Variants in ITGB4 observed in about 807,000 individuals in gnomAD.
ITGB4 encodes integrin beta-4.
Under a neutral mutation model 207.6 loss-of-function variants are expected in ITGB4, and 159 were observed. The ratio of observed to expected loss-of-function variants is 0.77; its 90% CI spans 0.67 to 0.87. The LOEUF (loss-of-function observed/expected upper bound fraction) is 0.87, where lower values mean the gene tolerates loss of function less well. Among genes scored for constraint, ITGB4 ranks in the 40% least tolerant of loss-of-function variants. ITGB4 has a pLI of 0.00. For synonymous variants in ITGB4, 1,020 were observed against 1,062.7 expected, an observed-to-expected ratio of 0.96 and a Z score of 0.78; for missense variants, 2,278 against 2,546.8, an observed-to-expected ratio of 0.89 and a Z score of 2.27.
At position 75,742,781 on chromosome 17, in the gene ITGB4, G is replaced by T. The variant is rs2061144153; in HGVS notation, c.2962+20G>T. The T allele has an allele frequency of 1.9e-6, 3 of 1,600,358 alleles. No homozygotes were observed. Among genetic ancestry groups the T allele is most frequent in the African/African-American group, 1.3e-5 (1 of 74,890 alleles). ...AGCAAGGTGGGTCTGGGTGGGGAGA[G>T]TGGGGAAGGCAGACGGGGGCTCGGG... On this transcript the variant is annotated intron_variant, in intron 25 of 39. Coordinates refer to ENST00000200181, the MANE Select transcript of ITGB4 (RefSeq NM_000213.5). The surrounding 1 kb of genome is among the most constrained non-coding windows in gnomAD (Gnocchi z 5.9).
At position 75,740,232 on chromosome 17, in the gene ITGB4, G is replaced by T; in HGVS notation, c.2447-126G>T. The T allele has an allele frequency of 8.3e-7, 1 of 1,211,742 alleles. No individual in the cohort carries two copies. Among genetic ancestry groups the T allele is most frequent in the South Asian group, 1.3e-5 (1 of 77,168 alleles). 75.1% of individuals were successfully genotyped at this position (1,211,742 alleles called of 1,614,324 possible). A position where few individuals can be genotyped will look rare whatever the true frequency, so the allele number is the denominator to read the frequency against. ...ATGGTGCTATGAACCTCATGCCTCG[G>T]TGTGCGTGGCCTGCTGGCCAGGCAT... On this transcript the variant is annotated intron_variant, in intron 20 of 39. Transcript: ENST00000200181. This position sits in a 1 kb window ranked among gnomAD's most constrained non-coding sequence, Gnocchi z 5.9.
At position 75,721,466 on chromosome 17, in the gene ITGB4, C is replaced by T. The variant is rs1393774988; in HGVS notation, c.-157C>T. On this transcript the variant is annotated 5_prime_UTR_variant, in exon 1 of 40. Transcript: ENST00000200181. Reference sequence around the variant, plus strand: ...GCCCGCCTCGTCCCCACCCCCCCAACCCCCGCGCCCGCCCTCGGACAGTCC... The same window carrying T: ...GCCCGCCTCGTCCCCACCCCCCCAATCCCCGCGCCCGCCCTCGGACAGTCC... The T allele has an allele frequency of 7.0e-6, 1 of 142,332 alleles. No homozygotes were observed. Among genetic ancestry groups the T allele is most frequent in the South Asian group, 2.2e-4 (1 of 4,564 alleles). 8.8% of individuals were successfully genotyped at this position (142,332 alleles called of 1,614,324 possible).
chr17:75,754,981 GACATGCATGCGCACACGTACAC>G (rs2061459993), intron 34 of ITGB4, 166 bp downstream of exon 34: 2 of 1,529,032 alleles, frequency 1.3e-6, no homozygotes, highest in Admixed American at 1.8e-5. Context: ...CATGTACACA[GACATGCATGCGCACACGTACAC>G]ACATGCATGC....
Position 75,749,987 on chromosome 17 carries a change from C to T in ITGB4, c.3317-124C>T, listed in dbSNP as rs2061329444. The T allele has an allele frequency of 3.7e-5, 44 of 1,204,050 alleles. No individual in the cohort carries two copies. In the South Asian group the frequency reaches 5.2e-4, roughly 14 times the overall value. 74.6% of individuals were successfully genotyped at this position (1,204,050 alleles called of 1,614,324 possible). Reference sequence around the variant, plus strand: ...GGGCACCACCAGGTCTCCAGAGACGCGGGTGGGCAGGTCTGAGTTGAATGC... The same window carrying T: ...GGGCACCACCAGGTCTCCAGAGACGTGGGTGGGCAGGTCTGAGTTGAATGC... On this transcript the variant is annotated intron_variant, in intron 27 of 39. Coordinates refer to ENST00000200181, the MANE Select transcript of ITGB4 (RefSeq NM_000213.5).
chr17:75,740,182 C>T lies in ITGB4; in HGVS notation c.2446+111C>T, dbSNP rs902479102. On this transcript the variant is annotated intron_variant, in intron 20 of 39. Transcript: ENST00000200181. This position sits in a 1 kb window ranked among gnomAD's most constrained non-coding sequence, Gnocchi z 5.9. ...CTGGGTGTGGGGTGCAGGCACAGGG[C>T]TCAGCCACCTTTTGCCCTGTGCTGA... 4 of 1,308,208 alleles carry T rather than the reference C, an allele frequency of 3.1e-6. No homozygotes were observed. The Middle Eastern group carries it at 7.8e-4, about 257-fold the overall frequency. The allele number at this position is 1,308,208 out of a possible 1,614,324, so 81.0% of individuals were successfully genotyped here. A position where few individuals can be genotyped will look rare whatever the true frequency, so the allele number is the denominator to read the frequency against.
At position 75,740,842 on chromosome 17, in the gene ITGB4, C is replaced by G. The variant is rs749252335; in HGVS notation, c.2600C>G (p.Thr867Ser). 1 of 1,613,764 alleles carries G rather than the reference C, an allele frequency of 6.2e-7. No individual in the cohort carries two copies. The highest frequency in any genetic ancestry group is 1.1e-5 in the South Asian group (1 of 91,062). ...TCCGGTGTACACAAGCTCCAGCAGACCAAGTTCCGGTGAGTCCCGGGGTGC... is the reference window on the plus strand; with the variant it reads ...TCCGGTGTACACAAGCTCCAGCAGAGCAAGTTCCGGTGAGTCCCGGGGTGC... ...QISGVHKLQQ[T>S]KFRQQPNAGK... The change falls in exon 22 of 40, where the codon ACC becomes AGC. Residue 867 changes from threonine (T) to serine (S), a missense_variant. By Grantham distance (58) the Thr-to-Ser change is moderately conservative (BLOSUM62 1). Transcript: ENST00000200181. This position sits in a 1 kb window ranked among gnomAD's most constrained non-coding sequence, Gnocchi z 5.9.
chr17:75,727,192 C>A lies in ITGB4; in HGVS notation c.80-3C>A. ...ATTCATGTGCCCACATCTGTCCCCCCAGCAAACCGCTGCAAGAAGGCCCCA... is the reference window on the plus strand; with the variant it reads ...ATTCATGTGCCCACATCTGTCCCCCAAGCAAACCGCTGCAAGAAGGCCCCA... On this transcript the variant is annotated splice_region_variant and splice_polypyrimidine_tract_variant and intron_variant, in intron 2 of 39. Coordinates refer to ENST00000200181, the MANE Select transcript of ITGB4 (RefSeq NM_000213.5). This position sits in a 1 kb window ranked among gnomAD's most constrained non-coding sequence, Gnocchi z 6.0. 1.2e-6 allele frequency: 2 copies of A among 1,613,736 alleles called. No individual in the cohort carries two copies. The highest frequency in any genetic ancestry group is 1.7e-6 in the Non-Finnish European group (2 of 1,179,860).
rs2060982743 is a variant in ITGB4, at chr17:75,736,611, A to G, written c.1907A>G (p.Gln636Arg). 1 of 1,603,644 alleles carries G rather than the reference A, an allele frequency of 6.2e-7. No individual in the cohort carries two copies. The highest frequency in any genetic ancestry group is 8.5e-7 in the Non-Finnish European group (1 of 1,175,772). ...CEDLRSCVQC[Q>R]AWGTGEKKGR... Reference sequence around the variant, plus strand: ...GACCTACGCTCCTGCGTGCAGTGCCAGGCGTGGGGCACCGGCGAGAAGAAG... The same window carrying G: ...GACCTACGCTCCTGCGTGCAGTGCCGGGCGTGGGGCACCGGCGAGAAGAAG... The change falls in exon 16 of 40, where the codon CAG becomes CGG. Residue 636 changes from glutamine to arginine, a missense_variant. Transcript: ENST00000200181.
chr17:75,750,284 G>C lies in ITGB4; in HGVS notation c.3474+16G>C. ...GGGGTACAGGGTAAGGCGGGGGGCT[G>C]AGGGTCACGACAGGTGGATGGGCGG... On this transcript the variant is annotated intron_variant, in intron 28 of 39. Coordinates refer to ENST00000200181, the MANE Select transcript of ITGB4 (RefSeq NM_000213.5). The surrounding 1 kb of genome is among the most constrained non-coding windows in gnomAD (Gnocchi z 5.5). 1 of 1,600,990 alleles carries C rather than the reference G, an allele frequency of 6.2e-7. No homozygotes were observed.
At chr17:75,741,215 T>C (rs914286044) in intron 23 of ITGB4, 1 of 661,662 alleles carries the variant, frequency 1.5e-6, no homozygotes, top group Non-Finnish European at 2.7e-6. Flanking sequence ...GCCCCTGGAC[T>C]AGAGCAGGCA....
At chr17:75,745,210 T>C (rs2061206647) in intron 26 of ITGB4, among the ~76,000 whole-genome samples, 1 of 151,960 alleles carries the variant, frequency 6.6e-6, no homozygotes, top group Admixed American at 6.6e-5. Flanking sequence ...CTAGGCAACG[T>C]GGTGAGACCA....
In ITGB4 at chr17:75,727,452, G is replaced by T. The variant is rs1226422448; in HGVS notation, c.211G>T (p.Gly71Cys). The T allele has an allele frequency of 3.1e-6, 5 of 1,613,988 alleles. No individual in the cohort carries two copies. Among genetic ancestry groups the T allele is most frequent in the Non-Finnish European group, 4.2e-6 (5 of 1,180,020 alleles). Residue 71 changes from glycine to cysteine, a missense_variant, in exon 4 of 40, where the codon GGC (glycine) becomes TGC (cysteine). Transcript: ENST00000200181. The surrounding 1 kb of genome is among the most constrained non-coding windows in gnomAD (Gnocchi z 6.0). ...CNTQAELLAA[G>C]CQRESIVVME... is the part of the protein sequence containing the mutation. ...CACCCAGGCGGAGCTGCTGGCCGCG[G>T]GCTGCCAGCGGGAGAGCATCGTGGT...
At position 75,737,694 on chromosome 17, in the gene ITGB4, CCAA is replaced by C. The variant is rs144838111; in HGVS notation, c.2220+53_2220+55del. The C allele has an allele frequency of 1.2e-3, 1,788 of 1,460,004 alleles. 45 individuals carry two copies. In the East Asian group the frequency reaches 0.036, roughly 30 times the overall value. The allele number at this position is 1,460,004 out of a possible 1,614,324, so 90.4% of individuals were successfully genotyped here. A position where few individuals can be genotyped will look rare whatever the true frequency, so the allele number is the denominator to read the frequency against. On this transcript the variant is annotated intron_variant, in intron 18 of 39. Transcript: ENST00000200181. The stretch of plus-strand genomic sequence containing the variant: ...GGCCCCACATCCCAGGGTCCCCACC[CCAA>C]CAGGGCCCCCACCCTCCACCAGGGT...
chr17:75,731,097 C>A lies in ITGB4; in HGVS notation c.1092+133C>A. 7.0e-7 allele frequency: 1 copy of A among 1,430,986 alleles called. No individual in the cohort carries two copies. The highest frequency in any genetic ancestry group is 9.7e-7 in the Non-Finnish European group (1 of 1,029,600). 88.6% of individuals were successfully genotyped at this position (1,430,986 alleles called of 1,614,324 possible). A position where few individuals can be genotyped will look rare whatever the true frequency, so the allele number is the denominator to read the frequency against. ...CAGACCAGTGAGGAAGGGTCTCTAG[C>A]TATCCCTGAGGCCCCGAGGGGCCAC... On this transcript the variant is annotated intron_variant, in intron 9 of 39. Transcript: ENST00000200181. The surrounding 1 kb of genome is among the most constrained non-coding windows in gnomAD (Gnocchi z 6.8).
At chr17:75,751,457 T>C (rs1490406395) in intron 30 of ITGB4, 1 of 360,060 alleles carries the variant, frequency 2.8e-6, no homozygotes, top group African/African-American at 2.1e-5. Context: ...CAAACAGAAA[T>C]ACAGGAGGTT....
In ITGB4 at chr17:75,752,523, G is replaced by A. The variant is rs11759; in HGVS notation, c.4054G>A (p.Asp1352Asn). 3 of 1,613,706 alleles carry A rather than the reference G, an allele frequency of 1.9e-6. No individual in the cohort carries two copies. In the South Asian group the frequency reaches 3.3e-5, roughly 18 times the overall value. Residue 1352 changes from aspartate to asparagine, a missense_variant, in exon 32 of 40, where the codon GAC (aspartate) becomes AAC (asparagine). By Grantham distance (23) the Asp-to-Asn change is conservative. Transcript: ENST00000200181. ...DYDSFLMYSD[D>N]VLRSPSGSQR... ...CGACAGCTTCCTTATGTACAGCGAT[G>A]ACGTTCTACGCTCTCCATCGGGCAG...
At chr17:75,757,132 C>G (rs1450067777) in intron 38 of ITGB4, 25 bp downstream of exon 38, 1 of 1,612,740 alleles carries the variant, frequency 6.2e-7, no homozygotes, top group African/African-American at 1.3e-5. Flanking sequence ...TTTCCTTCAC[C>G]CCCACCCCTC....
Position 75,727,678 on chromosome 17 carries a change from C to A in ITGB4, c.292C>A (p.Arg98Ser). Residue 98 changes from arginine to serine, a missense_variant, in exon 5 of 40, where the codon CGC (arginine) becomes AGC (serine). Transcript: ENST00000200181. This position sits in a 1 kb window ranked among gnomAD's most constrained non-coding sequence, Gnocchi z 6.0. ...GACCCAGATTGACACCACCCTGCGG[C>A]GCAGCCAGATGTCCCCCCAAGGCCT... ...EETQIDTTLR[R>S]SQMSPQGLRV... 6.2e-7 allele frequency: 1 copy of A among 1,609,776 alleles called. No homozygotes were observed. Among genetic ancestry groups the A allele is most frequent in the South Asian group, 1.1e-5 (1 of 90,480 alleles).
rs755395257 is a variant in ITGB4, at chr17:75,752,326, C to T, written c.3946C>T (p.Leu1316=). 34 of 1,612,912 alleles carry T rather than the reference C, an allele frequency of 2.1e-5. No homozygotes were observed. The South Asian group carries it at 3.6e-4, about 17-fold the overall frequency. The part of the protein sequence containing the change: ...WGPEREAIIN[L]ATQPKRPMSI... ...GCCTGAGCGGGAGGCCATCATCAACCTGGCCACCCAGCCCAAGAGGCCCAT... is the reference window on the plus strand; with the variant it reads ...GCCTGAGCGGGAGGCCATCATCAACTTGGCCACCCAGCCCAAGAGGCCCAT... Residue 1316 remains leucine, a synonymous_variant, in exon 31 of 40, where the codon CTG becomes TTG. Coordinates refer to ENST00000200181, the MANE Select transcript of ITGB4 (RefSeq NM_000213.5).
Sources: gnomAD v4.1 joint callset for allele counts (sites outside exome capture counted in the v4.1 genomes callset) on GRCh38, gnomAD v4.1.1 for gene constraint, Gnocchi (gnomAD v3.1) non-coding constraint, MANE v1.5 for transcripts, NCBI Gene and HGNC (gene_info 2026-07-23, HGNC 2026-07-21) for gene names.